The following FSTL4 variants were observed in gnomAD, a reference collection of about 807,000 sequenced individuals.
FSTL4 encodes the protein follistatin like 4, also known as follistatin-related protein 4.
Under a neutral mutation model 78.2 loss-of-function variants are expected in FSTL4, and 28 were observed. The observed-to-expected ratio is 0.36, with a 90% confidence interval of 0.27 to 0.49. The LOEUF (loss-of-function observed/expected upper bound fraction) is 0.49, where lower values mean the gene tolerates loss of function less well. Among genes scored for constraint, FSTL4 ranks in the 20% least tolerant of loss-of-function variants. The probability of loss-of-function intolerance (pLI) is 0.98; values close to 1 mark genes in which losing one functional copy is unlikely to be tolerated. For missense variants in FSTL4, 922 were observed against 1,084.9 expected, an observed-to-expected ratio of 0.85 and a Z score of 2.11; for synonymous variants, 422 against 440.5, an observed-to-expected ratio of 0.96 and a Z score of 0.53.
intron 4 of FSTL4, among the ~76,000 whole-genome samples, chr5:133,331,310 TCTC>T (rs900814216): frequency 2.0e-5 from 3 of 152,088 alleles, no homozygotes; most frequent in Non-Finnish European, 4.4e-5. Flanking sequence ...GGTGTTTTTC[TCTC>T]CTCTGTGTTG....
At chr5:133,355,563 G>C (rs1377727835) in intron 4 of FSTL4, among the ~76,000 whole-genome samples, 4 of 152,292 alleles carry the variant, frequency 2.6e-5, no homozygotes, top group Admixed American at 6.5e-5. Flanking sequence ...GGCTGAGGCA[G>C]GAGAATTGCT....
At chr5:133,544,570 C>T (rs571484202) in intron 3 of FSTL4, among the ~76,000 whole-genome samples, 3 of 152,248 alleles carry the variant, frequency 2.0e-5, no homozygotes, top group African/African-American at 7.2e-5. Context: ...ACACTCACCC[C>T]CGTTTTCTTC....
At chr5:133,527,228 C>G (rs1437360412) in intron 3 of FSTL4, among the ~76,000 whole-genome samples, 1 of 152,198 alleles carries the variant, frequency 6.6e-6, no homozygotes, top group African/African-American at 2.4e-5. Context: ...TTCCACTTCT[C>G]TGCAAATTGA....
In FSTL4 at chr5:133,516,291, GA is replaced by G. The variant is rs555126398; in HGVS notation, c.160+50894del. 8.6e-5 allele frequency among the ~76,000 whole-genome samples: 13 copies of G among 152,004 alleles called. No homozygotes were observed. In the South Asian group the frequency reaches 2.5e-3, roughly 29 times the overall value. The stretch of plus-strand genomic sequence containing the variant: ...GAGGAGAAAATTATCATATTTTCTG[GA>G]AAAAAATCTACAGTTCACAAAATTA... On this transcript the variant is annotated intron_variant, in intron 3 of 15. Transcript: ENST00000265342.
At chr5:133,296,330 C>A (rs1335555317) in intron 6 of FSTL4, among the ~76,000 whole-genome samples, 1 of 152,226 alleles carries the variant, frequency 6.6e-6, no homozygotes, top group Non-Finnish European at 1.5e-5. Flanking sequence ...TCTACATGCT[C>A]CTACTTTTGC....
the FSTL4 span, among the ~76,000 whole-genome samples, chr5:133,636,666 A>G: frequency 6.6e-6 from 1 of 152,160 alleles, no homozygotes; most frequent in Non-Finnish European, 1.5e-5. Context: ...TTACTCATTT[A>G]GTTGAGAGTA....
At chr5:133,535,639 C>T (rs565568230) in intron 3 of FSTL4, among the ~76,000 whole-genome samples, 1 of 152,294 alleles carries the variant, frequency 6.6e-6, no homozygotes, top group South Asian at 2.1e-4. Context: ...CCCTGATTTC[C>T]CACTTCACAC....
the FSTL4 span, among the ~76,000 whole-genome samples, chr5:133,686,565 C>A: frequency 6.6e-6 from 1 of 152,316 alleles, no homozygotes; most frequent in East Asian, 1.9e-4. Context: ...GGATAACTGA[C>A]GTGTATGCCC....
chr5:133,712,395 G>T, the FSTL4 span, among the ~76,000 whole-genome samples: 1 of 152,206 alleles, frequency 6.6e-6, no homozygotes, highest in African/African-American at 2.4e-5. Context: ...GGTGGGAATG[G>T]TGCCCCTAGA....
chr5:133,680,341 T>A, the FSTL4 span, among the ~76,000 whole-genome samples: 164 of 152,326 alleles, frequency 1.1e-3, no homozygotes, highest in East Asian at 0.02. Flanking sequence ...GGCACACCTA[T>A]GATCCAAGGA....
At chr5:133,656,261 C>T in the FSTL4 span, among the ~76,000 whole-genome samples, 1 of 152,032 alleles carries the variant, frequency 6.6e-6, no homozygotes, top group Non-Finnish European at 1.5e-5. Flanking sequence ...CTTAATCCCA[C>T]TGGGAACTCT....
chr5:133,683,125 G>A, the FSTL4 span, among the ~76,000 whole-genome samples: 4 of 152,162 alleles, frequency 2.6e-5, no homozygotes, highest in Admixed American at 6.5e-5. Context: ...TCTGCCAAGG[G>A]GTGTTGAAGC....
At chr5:133,330,144 A>G (rs996597227) in intron 4 of FSTL4, among the ~76,000 whole-genome samples, 3 of 152,214 alleles carry the variant, frequency 2.0e-5, no homozygotes, top group African/African-American at 7.2e-5. Flanking sequence ...TCTGGCCTCC[A>G]TGAGTGCAGC....
At chr5:133,408,253 C>G (rs1333026801) in intron 3 of FSTL4, among the ~76,000 whole-genome samples, 1 of 152,042 alleles carries the variant, frequency 6.6e-6, no homozygotes, top group African/African-American at 2.4e-5. Context: ...CCCTTATTCC[C>G]AAGTTTTGGA....
intron 4 of FSTL4, among the ~76,000 whole-genome samples, chr5:133,334,506 G>A (rs1292703108): frequency 6.6e-6 from 1 of 152,062 alleles, no homozygotes; most frequent in East Asian, 1.9e-4. Context: ...CTGGGCACTG[G>A]TAAGATTCTG....
chr5:133,772,697 A>G, the FSTL4 span, among the ~76,000 whole-genome samples: 20 of 152,290 alleles, frequency 1.3e-4, no homozygotes, highest in Admixed American at 4.6e-4. Flanking sequence ...ATTTACTTTT[A>G]TAACAAATCC....
intron 8 of FSTL4, among the ~76,000 whole-genome samples, chr5:133,228,483 C>T (rs2126798181): frequency 6.6e-6 from 1 of 152,310 alleles, no homozygotes; most frequent in Admixed American, 6.5e-5. Context: ...AGACTACACA[C>T]TGATCTCACT....
At chr5:133,234,205 G>C (rs903394489) in intron 7 of FSTL4, among the ~76,000 whole-genome samples, 5 of 152,070 alleles carry the variant, frequency 3.3e-5, no homozygotes, top group Non-Finnish European at 7.4e-5. Context: ...CAGAGATCTT[G>C]GTAACCCAAG....
At chr5:133,597,051 CCA>C (rs953705134) in intron 2 of FSTL4, among the ~76,000 whole-genome samples, 2 of 152,198 alleles carry the variant, frequency 1.3e-5, no homozygotes, top group African/African-American at 4.8e-5. Context: ...CCAGCACCCA[CCA>C]CAGTGTTCTC....
Sources: allele counts gnomAD v4.1 joint callset (sites outside exome capture counted in the v4.1 genomes callset), GRCh38; gene constraint gnomAD v4.1.1; transcripts MANE v1.5; gene names NCBI Gene and HGNC (gene_info 2026-07-23, HGNC 2026-07-21).